The following CDH13 variants were observed in gnomAD, a reference collection of about 807,000 sequenced individuals.
The protein encoded by CDH13 is cadherin 13.
CDH13 carries 24 observed loss-of-function variants against 63.8 expected under a neutral mutation model. The ratio of observed to expected loss-of-function variants is 0.38; its 90% CI spans 0.27 to 0.53. CDH13 has a LOEUF of 0.53. Ranked by LOEUF, CDH13 falls within the 20% of genes least tolerant of loss-of-function variation. The probability of loss-of-function intolerance (pLI) is 0.85; values close to 1 mark genes in which losing one functional copy is unlikely to be tolerated. For synonymous variants in CDH13, 503 were observed against 355.3 expected (o/e 1.42, Z -4.67); for missense variants, 1,049 against 903.1 (o/e 1.16, Z -2.07).
chr16:83,381,407 C>T (rs1248077491), intron 6 of CDH13, among the ~76,000 whole-genome samples: 1 of 152,088 alleles, frequency 6.6e-6, no homozygotes, highest in African/African-American at 2.4e-5. Context: ...CTTAAGCCAA[C>T]AGTGACTTTC....
At chr16:82,957,020 GA>G (rs1311762355) in intron 2 of CDH13, among the ~76,000 whole-genome samples, 1 of 152,122 alleles carries the variant, frequency 6.6e-6, no homozygotes, top group Non-Finnish European at 1.5e-5. Context: ...GTAGGAAGCT[GA>G]ATCTTTAAAA....
chr16:83,370,044 C>G (rs1303092745), intron 6 of CDH13, among the ~76,000 whole-genome samples: 1 of 152,184 alleles, frequency 6.6e-6, no homozygotes, highest in African/African-American at 2.4e-5. Flanking sequence ...CCGTATTTAC[C>G]TGTATCTCCA....
intron 5 of CDH13, among the ~76,000 whole-genome samples, chr16:83,341,037 C>G (rs1000699975): frequency 6.6e-6 from 1 of 152,126 alleles, no homozygotes; most frequent in Non-Finnish European, 1.5e-5. Flanking sequence ...TCTGCCATGC[C>G]TACCTATTTG....
At chr16:83,643,140 G>A (rs1224169496) in intron 8 of CDH13, among the ~76,000 whole-genome samples, 14 of 55,232 alleles carry the variant, frequency 2.5e-4, no homozygotes, top group African/African-American at 1.1e-3. Flanking sequence ...TGGTGGGGTC[G>A]GGGGAGGGGG....
intron 3 of CDH13, among the ~76,000 whole-genome samples, chr16:83,083,959 A>G (rs1046400088): frequency 1.3e-5 from 2 of 152,208 alleles, no homozygotes; most frequent in East Asian, 1.9e-4. Flanking sequence ...CCCTTTACCA[A>G]TTGCAGCTGT....
chr16:83,153,134 C>T (rs1405234320), intron 4 of CDH13, among the ~76,000 whole-genome samples: 1 of 152,118 alleles, frequency 6.6e-6, no homozygotes, highest in Non-Finnish European at 1.5e-5. Flanking sequence ...ATTATTACTC[C>T]AATCAATTCC....
At chr16:83,710,136 T>G (rs1907794522) in intron 10 of CDH13, 2 of 152,224 alleles carry the variant, frequency 1.3e-5, no homozygotes, top group South Asian at 2.1e-4. Context: ...GTTCTCACAA[T>G]GCACTGGACA....
intron 10 of CDH13, among the ~76,000 whole-genome samples, chr16:83,708,243 C>G (rs1598534736): frequency 1.3e-5 from 2 of 152,222 alleles, no homozygotes; most frequent in African/African-American, 4.8e-5. Context: ...AAGCTCCTCT[C>G]AAATACTTCC....
At chr16:83,294,343 A>T (rs1008367968) in intron 5 of CDH13, among the ~76,000 whole-genome samples, 1 of 152,092 alleles carries the variant, frequency 6.6e-6, no homozygotes, top group East Asian at 1.9e-4. Context: ...TATTTTTCCT[A>T]TCCAATTGAA....
intron 6 of CDH13, among the ~76,000 whole-genome samples, chr16:83,441,491 TTGG>T (rs1291321643): frequency 6.6e-6 from 1 of 152,236 alleles, no homozygotes; most frequent in Non-Finnish European, 1.5e-5. Context: ...TTCCCAATTT[TTGG>T]TCAGTGATAT....
intron 6 of CDH13, among the ~76,000 whole-genome samples, chr16:83,429,446 G>C (rs1331470000): frequency 6.6e-6 from 1 of 151,870 alleles, no homozygotes; most frequent in African/African-American, 2.4e-5. Flanking sequence ...CCTATGCCAG[G>C]CTCAGAGACT....
intron 10 of CDH13, among the ~76,000 whole-genome samples, chr16:83,738,621 T>G (rs1911761662): frequency 6.6e-6 from 1 of 152,094 alleles, no homozygotes; most frequent in Non-Finnish European, 1.5e-5. Flanking sequence ...ATTAAAAGGG[T>G]TTTGGGCCAG....
At chr16:83,358,882 T>G (rs1229930641) in intron 6 of CDH13, among the ~76,000 whole-genome samples, 1 of 152,164 alleles carries the variant, frequency 6.6e-6, no homozygotes, top group Non-Finnish European at 1.5e-5. Context: ...ATGGGAACTT[T>G]CTTAGTGTAG....
intron 4 of CDH13, among the ~76,000 whole-genome samples, chr16:83,186,243 A>G (rs954784701): frequency 6.6e-6 from 1 of 151,812 alleles, no homozygotes; most frequent in Non-Finnish European, 1.5e-5. Flanking sequence ...GGTTCAAGCA[A>G]TTCTCCCGAC....
chr16:83,358,272 C>T (rs891924337), intron 6 of CDH13, among the ~76,000 whole-genome samples: 8 of 152,110 alleles, frequency 5.3e-5, no homozygotes, highest in African/African-American at 1.9e-4. Context: ...AGCCACCTCA[C>T]CTAGGAAGAG....
At chr16:83,102,641 G>A (rs2034539289) in intron 3 of CDH13, among the ~76,000 whole-genome samples, 2 of 152,140 alleles carry the variant, frequency 1.3e-5, no homozygotes, top group Admixed American at 6.5e-5. Context: ...GACCGCTCTG[G>A]CCACCCTGGG....
chr16:82,669,330 T>A (rs1199973026), intron 1 of CDH13, among the ~76,000 whole-genome samples: 3 of 152,192 alleles, frequency 2.0e-5, no homozygotes, highest in Non-Finnish European at 4.4e-5. Flanking sequence ...GCCCAGGAGA[T>A]TATATTACCC....
chr16:83,368,301 A>G (rs972000749), intron 6 of CDH13, among the ~76,000 whole-genome samples: 37 of 152,342 alleles, frequency 2.4e-4, no homozygotes, highest in African/African-American at 7.5e-4. Flanking sequence ...AAACAGATAC[A>G]TACTGAGGTA....
chr16:83,368,375 G>T (rs2091293761), intron 6 of CDH13, among the ~76,000 whole-genome samples: 1 of 152,294 alleles, frequency 6.6e-6, no homozygotes, highest in South Asian at 2.1e-4. Flanking sequence ...ATTATGGAAA[G>T]AATTTGGTTG....
Sources: gnomAD v4.1 joint callset for allele counts (sites outside exome capture counted in the v4.1 genomes callset) on GRCh38, gnomAD v4.1.1 for gene constraint, MANE v1.5 for transcripts, NCBI Gene and HGNC (gene_info 2026-07-23, HGNC 2026-07-21) for gene names.